Variants in IKBKB observed in about 807,000 individuals in gnomAD.
IKBKB encodes inhibitor of nuclear factor kappa-B kinase subunit beta.
IKBKB carries 42 observed loss-of-function variants against 113.6 expected under a neutral mutation model. The observed-to-expected ratio is 0.37, with a 90% CI of 0.29 to 0.48. IKBKB has a LOEUF of 0.48. Ranked by LOEUF, IKBKB falls within the 20% of genes least tolerant of loss-of-function variation. The pLI, the probability that IKBKB is intolerant of heterozygous loss-of-function variation, is 0.99. For missense variants in IKBKB, 673 were observed against 939.7 expected, an observed-to-expected ratio of 0.72 and a Z score of 3.71; for synonymous variants, 296 against 361.3, an observed-to-expected ratio of 0.82 and a Z score of 2.05.
intron 8 of IKBKB, among the ~76,000 whole-genome samples, chr8:42,311,983 T>C (rs796497175): frequency 2.0e-5 from 3 of 152,192 alleles, no homozygotes; most frequent in African/African-American, 7.2e-5. Flanking sequence ...GCCTCCCGGG[T>C]TCATGCCATT....
At chr8:42,284,772 G>A (rs563078335) in intron 2 of IKBKB, among the ~76,000 whole-genome samples, 61 of 151,950 alleles carry the variant, frequency 4.0e-4, no homozygotes, top group African/African-American at 1.4e-3. Context: ...GCAAATTCAC[G>A]TCAGCCTGAG....
intron 20 of IKBKB, chr8:42,326,410 G>C (rs1363776183): frequency 6.5e-6 from 2 of 307,054 alleles, no homozygotes; most frequent in Non-Finnish European, 1.2e-5. Flanking sequence ...GGGAGGCCCT[G>C]AAGCCCTCTG....
chr8:42,309,847 G>A (rs1010145341), intron 8 of IKBKB: 4 of 151,896 alleles, frequency 2.6e-5, no homozygotes, highest in African/African-American at 9.7e-5. Context: ...AAAAATTAAA[G>A]GATATGATGA....
chr8:42,281,942 T>C (rs1810439636), intron 2 of IKBKB, among the ~76,000 whole-genome samples: 1 of 152,160 alleles, frequency 6.6e-6, no homozygotes, highest in South Asian at 2.1e-4. Flanking sequence ...CCCCTTTTGT[T>C]TCTCCTGTGA....
chr8:42,304,175 T>A (rs1816024521), intron 5 of IKBKB, among the ~76,000 whole-genome samples: 1 of 152,234 alleles, frequency 6.6e-6, no homozygotes, highest in South Asian at 2.1e-4. Context: ...TGGCTAAATT[T>A]TATCCAGTGT....
rs370418713 is a variant in IKBKB, at chr8:42,325,954, T to C, written c.1987-16T>C. ...TCATCACTTGGCTCCTAATTTCTTT[T>C]GATTTTGTCCCCTAGAGCAAGGTCC... On this transcript the variant is annotated splice_polypyrimidine_tract_variant and intron_variant, in intron 19 of 21. Coordinates refer to ENST00000520810, the MANE Select transcript of IKBKB (RefSeq NM_001556.3). 7.2e-5 allele frequency: 116 copies of C among 1,613,172 alleles called. No individual in the cohort carries two copies. In the African/African-American group the frequency reaches 1.5e-3, roughly 20 times the overall value.
At chr8:42,292,413 C>T (rs1413308278) in intron 4 of IKBKB, among the ~76,000 whole-genome samples, 1 of 152,216 alleles carries the variant, frequency 6.6e-6, no homozygotes, top group African/African-American at 2.4e-5. Context: ...GGCTCGCATC[C>T]TAAGGGACCC....
At position 42,332,075 on chromosome 8, in the gene IKBKB, T is replaced by C. The variant is rs1821738953; in HGVS notation, c.*1096T>C. ...GCCATAACCCTGCTTCTTCAACATT[T>C]CACAGAACTTCTCTTTTATATAAAG... is the stretch of plus-strand genomic sequence containing the variant. On this transcript the variant is annotated 3_prime_UTR_variant, in exon 22 of 22. Coordinates refer to ENST00000520810, the MANE Select transcript of IKBKB (RefSeq NM_001556.3). The C allele has an allele frequency of 6.6e-6, 1 of 152,386 alleles. No individual in the cohort carries two copies. The highest frequency in any genetic ancestry group is 6.5e-5 in the Admixed American group (1 of 15,302). 9.4% of individuals were successfully genotyped at this position (152,386 alleles called of 1,614,324 possible).
In IKBKB at chr8:42,286,448, T is replaced by G. The variant is rs567858343; in HGVS notation, c.106-2186T>G. Among the ~76,000 whole-genome samples the G allele has an allele frequency of 2.6e-5, 4 of 152,346 alleles. No individual in the cohort carries two copies. The South Asian group carries it at 8.3e-4, about 32-fold the overall frequency. ...TTGAGTGCCATGGGAACAGCCACAC[T>G]GGGAGGCCTTGCCACAGTCCTCTGT... On this transcript the variant is annotated intron_variant, in intron 2 of 21. Transcript: ENST00000520810.
At chr8:42,307,031 T>C (rs1816678554) in intron 7 of IKBKB, among the ~76,000 whole-genome samples, 1 of 152,106 alleles carries the variant, frequency 6.6e-6, no homozygotes, top group South Asian at 2.1e-4. Flanking sequence ...CTTCAGAGCT[T>C]AGGGTTTAGC....
intron 5 of IKBKB, among the ~76,000 whole-genome samples, chr8:42,304,126 A>C (rs1816010252): frequency 6.6e-6 from 1 of 152,188 alleles, no homozygotes; most frequent in South Asian, 2.1e-4. Flanking sequence ...CATAGAGAAA[A>C]GCTATTGACT....
intron 21 of IKBKB, chr8:42,329,679 T>C: frequency 1.0e-6 from 1 of 985,340 alleles, no homozygotes; most frequent in Non-Finnish European, 1.2e-6. Flanking sequence ...ACCTGCACCA[T>C]TGGTACTACT....
At chr8:42,296,019 G>A (rs1813712792) in intron 5 of IKBKB, among the ~76,000 whole-genome samples, 1 of 151,976 alleles carries the variant, frequency 6.6e-6, no homozygotes, top group Non-Finnish European at 1.5e-5. Context: ...AGATAGGTAG[G>A]TGAATATTAA....
At chr8:42,330,151 A>G in intron 21 of IKBKB, 1 of 985,392 alleles carries the variant, frequency 1.0e-6, no homozygotes, top group Non-Finnish European at 1.2e-6. Context: ...AGCTACCCAC[A>G]GTGAGCATGG....
At position 42,319,011 on chromosome 8, in the gene IKBKB, C is replaced by T. The variant is rs1379156059; in HGVS notation, c.1365-259C>T. ...GCTGCTGGGGACTTACGGACTCTTTCCTCATTGTGACTCGTTTGCCAACAT... is the reference window on the plus strand; with the variant it reads ...GCTGCTGGGGACTTACGGACTCTTTTCTCATTGTGACTCGTTTGCCAACAT... On this transcript the variant is annotated intron_variant, in intron 13 of 21. Coordinates refer to ENST00000520810, the MANE Select transcript of IKBKB (RefSeq NM_001556.3). 7.1e-5 allele frequency: 40 copies of T among 562,586 alleles called. No homozygotes were observed. In the East Asian group the frequency reaches 1.2e-3, roughly 17 times the overall value. 34.8% of individuals were successfully genotyped at this position (562,586 alleles called of 1,614,324 possible). A position where few individuals can be genotyped will look rare whatever the true frequency, so the allele number is the denominator to read the frequency against.
At chr8:42,325,218 G>A in intron 19 of IKBKB, 1 of 985,744 alleles carries the variant, frequency 1.0e-6, no homozygotes, top group African/African-American at 1.7e-5. Context: ...ACCCCTGCTT[G>A]ACCCTTCGGG....
intron 5 of IKBKB, among the ~76,000 whole-genome samples, chr8:42,295,114 G>GTT (rs1423504913): frequency 7.2e-6 from 1 of 139,846 alleles, no homozygotes; most frequent in African/African-American, 2.6e-5. Context: ...TATTACGAAA[G>GTT]TCTTTTTTTT....
rs117139559 is a variant in IKBKB at position 42,287,996 on chromosome 8, A to T, written c.106-638A>T. 3.6e-3 allele frequency among the ~76,000 whole-genome samples: 543 copies of T among 152,208 alleles called. 1 individual carries two copies. Among genetic ancestry groups the T allele is most frequent in the Non-Finnish European group, 6.0e-3 (408 of 68,012 alleles). On this transcript the variant is annotated intron_variant, in intron 2 of 21. Coordinates refer to ENST00000520810, the MANE Select transcript of IKBKB (RefSeq NM_001556.3). ...AGCAGCAGCCGGGGTTCGGACAGGG[A>T]AACCTCTCTGCGCAGGAATGGTCAG...
Position 42,271,436 on chromosome 8 carries a change from GAGCCC to G in IKBKB, c.-51_-47del. The G allele has an allele frequency of 6.8e-7, 1 of 1,474,296 alleles. No individual in the cohort carries two copies. The highest frequency in any genetic ancestry group is 9.1e-7 in the Non-Finnish European group (1 of 1,094,782). The allele number at this position is 1,474,296 out of a possible 1,614,324, so 91.3% of individuals were successfully genotyped here. ...CCAGCCCCGCCTTCCCCGCCCCGGG[GAGCCC>G]GCCCCCTGCCCCGCGTCCCTGCCGA... is the stretch of plus-strand genomic sequence containing the variant. On this transcript the variant is annotated 5_prime_UTR_variant, in exon 1 of 22. It removes the in-frame stop codon of an upstream open reading frame in the 5' UTR. Coordinates refer to ENST00000520810, the MANE Select transcript of IKBKB (RefSeq NM_001556.3).
Sources: allele counts gnomAD v4.1 joint callset (sites outside exome capture counted in the v4.1 genomes callset), GRCh38; gene constraint gnomAD v4.1.1; transcripts MANE v1.5; gene names NCBI Gene and HGNC (gene_info 2026-07-23, HGNC 2026-07-21).